The following TRMT11 variants were observed in gnomAD, a reference collection of about 807,000 sequenced individuals.
TRMT11 encodes the protein tRNA methyltransferase 11, also known as tRNA (guanine(10)-N(2))-methyltransferase TRMT11.
A neutral mutation model predicts 62.8 loss-of-function variants in TRMT11; 53 were observed. The ratio of observed to expected loss-of-function variants is 0.84; its 90% CI spans 0.68 to 1.06. The LOEUF is 1.06. Among genes scored for constraint, TRMT11 ranks in the 50% least tolerant of loss-of-function variants. The probability of loss-of-function intolerance (pLI) is 0.00; values close to 1 mark genes in which losing one functional copy is unlikely to be tolerated. For synonymous variants in TRMT11, 188 were observed against 190.3 expected (o/e 0.99, Z 0.10); for missense variants, 556 against 553.4 (o/e 1.00, Z -0.05).
At chr6:126,012,115 T>C (rs1248787772) in intron 9 of TRMT11, among the ~76,000 whole-genome samples, 1 of 152,206 alleles carries the variant, frequency 6.6e-6, no homozygotes, top group Non-Finnish European at 1.5e-5. Context: ...CTAACTTAGA[T>C]TTTGTCAAAT....
chr6:126,128,330 G>T (rs1006750354), intron 21 of TRMT11, among the ~76,000 whole-genome samples: 5 of 152,030 alleles, frequency 3.3e-5, no homozygotes, highest in African/African-American at 7.2e-5. Flanking sequence ...GTAGAGAAAA[G>T]ATATAAATAT....
intron 17 of TRMT11, among the ~76,000 whole-genome samples, chr6:126,067,533 G>T (rs1428388826): frequency 6.6e-6 from 1 of 152,162 alleles, no homozygotes; most frequent in Non-Finnish European, 1.5e-5. Flanking sequence ...TTTGTTGTGT[G>T]GGATTTTACT....
At chr6:126,061,229 C>T (rs574805812) in intron 17 of TRMT11, among the ~76,000 whole-genome samples, 8 of 152,322 alleles carry the variant, frequency 5.3e-5, no homozygotes, top group African/African-American at 1.7e-4. Flanking sequence ...AAAGCAGAAT[C>T]TTTATTTTAA....
At chr6:126,138,565 A>T (rs1461352636) in intron 21 of TRMT11, among the ~76,000 whole-genome samples, 1 of 152,024 alleles carries the variant, frequency 6.6e-6, no homozygotes, top group Non-Finnish European at 1.5e-5. Context: ...TAAATGAATG[A>T]ATCATCCTCA....
chr6:126,195,075 C>T (rs1226699459), intron 1 of TRMT11, among the ~76,000 whole-genome samples: 1 of 152,138 alleles, frequency 6.6e-6, no homozygotes, highest in African/African-American at 2.4e-5. Context: ...GTGATTGTAC[C>T]ATTGTATTCT....
the TRMT11 span, among the ~76,000 whole-genome samples, chr6:126,242,054 T>C: frequency 6.6e-6 from 1 of 151,970 alleles, no homozygotes; most frequent in African/African-American, 2.4e-5. Context: ...CAGCCCAAAA[T>C]CTCCTTAAGT....
downstream of TRMT11, among the ~76,000 whole-genome samples, chr6:126,202,961 T>C (rs1443235044): frequency 1.3e-5 from 2 of 152,180 alleles, no homozygotes; most frequent in Non-Finnish European, 2.9e-5. Flanking sequence ...ATATAGATAG[T>C]GGGAAGTAAC....
At chr6:126,004,397 G>A (rs1420793205) in intron 7 of TRMT11, among the ~76,000 whole-genome samples, 1 of 152,032 alleles carries the variant, frequency 6.6e-6, no homozygotes, top group Non-Finnish European at 1.5e-5. Flanking sequence ...CTTTGCAAAG[G>A]TGCTGCTGAA....
At chr6:126,074,355 C>T (rs1180029837) in intron 17 of TRMT11, among the ~76,000 whole-genome samples, 1 of 152,082 alleles carries the variant, frequency 6.6e-6, no homozygotes, top group Non-Finnish European at 1.5e-5. Flanking sequence ...AAGCACAGGG[C>T]ACAGGTTTTG....
At chr6:126,175,662 C>T (rs1266097306), upstream of TRMT11, among the ~76,000 whole-genome samples, 1 of 152,122 alleles carries the variant, frequency 6.6e-6, no homozygotes, top group African/African-American at 2.4e-5. Context: ...TTTCACAAAC[C>T]TGAGGAATGA....
rs189048138 is a variant in TRMT11, at chr6:126,130,532, A to T, written c.*1823+14677A>T. Among the ~76,000 whole-genome samples, 11 of 152,116 alleles carry T rather than the reference A, an allele frequency of 7.2e-5. No homozygotes were observed. The East Asian group carries it at 1.9e-3, about 27-fold the overall frequency. ...TGTGCTCCAATGTGCCTGGAGAAGA[A>T]GAATGTGATAATGGATAAAACGCAG... On this transcript the variant is annotated intron_variant and NMD_transcript_variant, in intron 21 of 22. Coordinates refer to the TRMT11 transcript ENST00000648977.
At chr6:126,205,938 CAT>C (rs1167387645), downstream of TRMT11, among the ~76,000 whole-genome samples, 75 of 129,438 alleles carry the variant, frequency 5.8e-4, 1 homozygote, top group Admixed American at 3.8e-3. Context: ...CACACACACA[CAT>C]GCGCGCACAC....
intron 3 of TRMT11, among the ~76,000 whole-genome samples, chr6:126,200,434 A>G (rs1258555444): frequency 6.6e-6 from 1 of 152,228 alleles, no homozygotes; most frequent in African/African-American, 2.4e-5. Flanking sequence ...GAAGTTAAAA[A>G]TAACTCAATA....
chr6:126,008,382 G>A lies in TRMT11; in HGVS notation c.680-10G>A. ...ACTGGTTAACAGGTCAAAATTGTGT[G>A]ATTTTTCAGGTGGCCTGCTGATAGC... On this transcript the variant is annotated splice_polypyrimidine_tract_variant and intron_variant, in intron 7 of 12. Transcript: ENST00000334379. 1 of 1,612,626 alleles carries A rather than the reference G, an allele frequency of 6.2e-7. No individual in the cohort carries two copies. The highest frequency in any genetic ancestry group is 8.5e-7 in the Non-Finnish European group (1 of 1,178,844).
chr6:126,044,576 A>C (rs1775990945), intron 16 of TRMT11, among the ~76,000 whole-genome samples: 1 of 152,114 alleles, frequency 6.6e-6, no homozygotes, highest in Non-Finnish European at 1.5e-5. Context: ...AAAGGCACAG[A>C]CTTCTTGTGT....
chr6:126,206,843 A>G (rs1778796099), downstream of TRMT11, among the ~76,000 whole-genome samples: 2 of 152,140 alleles, frequency 1.3e-5, no homozygotes, highest in Admixed American at 1.3e-4. Context: ...TGCTTTGGAA[A>G]ACACCTACAC....
the TRMT11 span, among the ~76,000 whole-genome samples, chr6:126,241,909 A>G: frequency 6.6e-6 from 1 of 152,224 alleles, no homozygotes; most frequent in African/African-American, 2.4e-5. Flanking sequence ...CTCCTATTCA[A>G]TATAGTGTTG....
At chr6:126,075,433 G>A (rs1562316619) in intron 17 of TRMT11, among the ~76,000 whole-genome samples, 2 of 151,948 alleles carry the variant, frequency 1.3e-5, no homozygotes, top group Non-Finnish European at 2.9e-5. Flanking sequence ...TCGTGATAGT[G>A]AGTTCTCATG....
At chr6:126,238,558 G>A in the TRMT11 span, among the ~76,000 whole-genome samples, 1 of 152,088 alleles carries the variant, frequency 6.6e-6, no homozygotes, top group Non-Finnish European at 1.5e-5. Flanking sequence ...TAGTTTGATT[G>A]CACTGTGGTC....
Sources: allele counts gnomAD v4.1 joint callset (sites outside exome capture counted in the v4.1 genomes callset), GRCh38; gene constraint gnomAD v4.1.1; transcripts MANE v1.5; gene names NCBI Gene and HGNC (gene_info 2026-07-23, HGNC 2026-07-21).